Variants in TRANK1 observed in about 807,000 individuals in gnomAD.
TRANK1 encodes the protein tetratricopeptide repeat and ankyrin repeat containing 1.
In TRANK1, 198 loss-of-function variants were observed where a neutral mutation model predicts 266.0. The observed-to-expected ratio is 0.74, with a 90% confidence interval of 0.66 to 0.84. TRANK1 has a LOEUF of 0.84. TRANK1 is among the 40% of genes least tolerant of loss of function. TRANK1 has a pLI of 0.00. For synonymous variants in TRANK1, 1,396 were observed against 1,384.1 expected (o/e 1.01, Z -0.19); for missense variants, 3,326 against 3,634.6 (o/e 0.92, Z 2.18).
chr3:36,864,431 C>A lies in TRANK1; in HGVS notation c.1128G>T (p.Lys376Asn). The A allele has an allele frequency of 6.5e-7, 1 of 1,536,596 alleles. No homozygotes were observed. Among genetic ancestry groups the A allele is most frequent in the Non-Finnish European group, 8.7e-7 (1 of 1,146,668 alleles). The change falls in exon 10 of 24, where the codon AAG becomes AAT. Residue 376 changes from lysine to asparagine, a missense_variant. Coordinates refer to ENST00000645898, the MANE Select transcript of TRANK1 (RefSeq NM_001329998.2). ...GPTSENDIFRKVLEQLVKYMN... is the reference protein window; with the variant it reads ...GPTSENDIFRNVLEQLVKYMN... The stretch of plus-strand genomic sequence containing the variant: ...TATACTTCACCAGCTGCTCCAAGAC[C>A]TTCCTGAAAATGTCGTTTTCACTAG...
chr3:36,909,169 C>A (rs114172623), intron 1 of TRANK1, among the ~76,000 whole-genome samples: 2,047 of 152,318 alleles, frequency 0.013, 33 homozygotes, highest in African/African-American at 0.044. Flanking sequence ...TTGTCTGTGT[C>A]CCCCAAGGGT....
chr3:36,904,883 A>T (rs1039307711), intron 2 of TRANK1, among the ~76,000 whole-genome samples: 3 of 151,614 alleles, frequency 2.0e-5, no homozygotes, highest in African/African-American at 4.9e-5. Flanking sequence ...GGTTCTCAGC[A>T]CCCTGTTCTC....
chr3:36,831,503 T>A lies in TRANK1; in HGVS notation c.8080A>T (p.Met2694Leu). The change falls in exon 22 of 24, where the codon ATG (methionine) becomes TTG (leucine). Residue 2694 changes from methionine to leucine, a missense_variant. Physicochemically the swap from Met to Leu is conservative, Grantham distance 15. Transcript: ENST00000645898. The surrounding 1 kb of genome is among the most constrained non-coding windows in gnomAD (Gnocchi z 5.0). ...CGGTCTTCTAATGCCAGTTCATCCA[T>A]CTCATCCTGGCCAAACTCACACTCA... ...EPECEFGQDEMDELALEDRDH... is the reference protein window; with the variant it reads ...EPECEFGQDELDELALEDRDH... The A allele has an allele frequency of 6.2e-7, 1 of 1,613,284 alleles. No individual in the cohort carries two copies.
Position 36,878,308 on chromosome 3 carries a change from C to A in TRANK1, c.908-4012G>T, listed in dbSNP as rs537011200. ...CTCTTCTCCCACCCCCAACTATACC[C>A]CACCATCTGTGGAAAAATCGTCTTG... On this transcript the variant is annotated intron_variant, in intron 8 of 23. Coordinates refer to ENST00000645898, the MANE Select transcript of TRANK1 (RefSeq NM_001329998.2). Among the ~76,000 whole-genome samples the A allele has an allele frequency of 6.6e-5, 10 of 152,286 alleles. No individual in the cohort carries two copies. In the South Asian group the frequency reaches 2.1e-3, roughly 32 times the overall value.
chr3:36,893,001 GA>G lies in TRANK1; in HGVS notation c.553-18del. ...CAGAAATGACTGGTGGGAGAAGACA[GA>G]AAAGGCTGGAATAATAATGTTCTCC... On this transcript the variant is annotated intron_variant, in intron 5 of 23. Transcript: ENST00000645898. The G allele has an allele frequency of 7.0e-7, 1 of 1,435,698 alleles. No homozygotes were observed. Among genetic ancestry groups the G allele is most frequent in the Non-Finnish European group, 9.2e-7 (1 of 1,086,368 alleles). The allele number at this position is 1,435,698 out of a possible 1,614,324, so 88.9% of individuals were successfully genotyped here. A position where few individuals can be genotyped will look rare whatever the true frequency, so the allele number is the denominator to read the frequency against.
chr3:36,866,292 G>A (rs2079226988), intron 9 of TRANK1, among the ~76,000 whole-genome samples: 1 of 152,218 alleles, frequency 6.6e-6, no homozygotes, highest in African/African-American at 2.4e-5. Flanking sequence ...GTGAAGAAAT[G>A]AATGAATGTT....
intron 1 of TRANK1, among the ~76,000 whole-genome samples, chr3:36,926,444 A>C (rs966174489): frequency 2.0e-5 from 3 of 152,196 alleles, no homozygotes; most frequent in African/African-American, 7.2e-5. Context: ...TACCGTTTAC[A>C]TGCACACCAA....
chr3:36,886,137 T>TG (rs2079601656), intron 8 of TRANK1, among the ~76,000 whole-genome samples: 1 of 145,964 alleles, frequency 6.9e-6, no homozygotes, highest in South Asian at 2.2e-4. Flanking sequence ...TTGTTTTTTT[T>TG]TTTTTTTTTT....
chr3:36,905,397 T>A (rs372258771), intron 2 of TRANK1, among the ~76,000 whole-genome samples: 74 of 151,528 alleles, frequency 4.9e-4, no homozygotes, highest in Admixed American at 2.6e-4. Context: ...GTCATGAGGG[T>A]GGAGTCCTCA....
At position 36,944,996 on chromosome 3, in the gene TRANK1, G is replaced by C. The variant is rs1403533364; in HGVS notation, c.-187C>G. 5 of 502,298 alleles carry C rather than the reference G, an allele frequency of 1.0e-5. No individual in the cohort carries two copies. Among genetic ancestry groups the C allele is most frequent in the Non-Finnish European group, 1.7e-5 (5 of 297,060 alleles). 31.1% of individuals were successfully genotyped at this position (502,298 alleles called of 1,614,324 possible). A position where few individuals can be genotyped will look rare whatever the true frequency, so the allele number is the denominator to read the frequency against. ...GCTCGGCTACCCAGCCGCGATCAGA[G>C]GGGGCGGGGGACGCAGGAACCCCGG... On this transcript the variant is annotated 5_prime_UTR_variant, in exon 1 of 24. Coordinates refer to ENST00000645898, the MANE Select transcript of TRANK1 (RefSeq NM_001329998.2).
chr3:36,860,656 C>T (rs2079129409), intron 11 of TRANK1, among the ~76,000 whole-genome samples: 1 of 150,308 alleles, frequency 6.7e-6, no homozygotes. Context: ...CAAAAGAGAA[C>T]ACCTGATGTT....
At chr3:36,843,686 C>A (rs141296672) in intron 17 of TRANK1, among the ~76,000 whole-genome samples, 1 of 148,950 alleles carries the variant, frequency 6.7e-6, no homozygotes, top group Admixed American at 6.8e-5. Flanking sequence ...ACAGTGAATA[C>A]CAGGGTAATA....
rs1264514251 is a variant in TRANK1 at position 36,892,882 on chromosome 3, G to GAT, written c.636+17_636+18dup. 5 of 896,208 alleles carry GAT rather than the reference G, an allele frequency of 5.6e-6. No individual in the cohort carries two copies. Among genetic ancestry groups the GAT allele is most frequent in the Admixed American group, 3.7e-5 (1 of 26,892 alleles). 55.5% of individuals were successfully genotyped at this position (896,208 alleles called of 1,614,324 possible). A position where few individuals can be genotyped will look rare whatever the true frequency, so the allele number is the denominator to read the frequency against. On this transcript the variant is annotated intron_variant, in intron 6 of 23. Coordinates refer to ENST00000645898, the MANE Select transcript of TRANK1 (RefSeq NM_001329998.2). ...ATATATATATATATAGATATATATAGATATATATATCACCTTACCTCAAAG... is the reference window on the plus strand; with the variant it reads ...ATATATATATATATAGATATATATAGATATATATATATCACCTTACCTCAAAG...
intron 1 of TRANK1, among the ~76,000 whole-genome samples, chr3:36,944,508 G>T (rs561474426): frequency 6.6e-6 from 1 of 152,312 alleles, no homozygotes; most frequent in Admixed American, 6.5e-5. Context: ...TCGATGCCGG[G>T]GTGGGAGCTA....
chr3:36,943,280 A>T (rs533205441), intron 1 of TRANK1, among the ~76,000 whole-genome samples: 3 of 152,276 alleles, frequency 2.0e-5, no homozygotes, highest in Admixed American at 6.5e-5. Context: ...CTCTTGCTGC[A>T]ATTTTACATG....
chr3:36,938,146 A>C (rs2080447942), intron 1 of TRANK1, among the ~76,000 whole-genome samples: 1 of 152,192 alleles, frequency 6.6e-6, no homozygotes, highest in Admixed American at 6.5e-5. Flanking sequence ...AGGACATCTG[A>C]AGGGTGGCCC....
chr3:36,877,674 CA>C (rs2079409078), intron 8 of TRANK1, among the ~76,000 whole-genome samples: 1 of 152,136 alleles, frequency 6.6e-6, no homozygotes, highest in South Asian at 2.1e-4. Context: ...ACAGAATGTA[CA>C]GTGTACCTAC....
In TRANK1 at chr3:36,857,481, C is replaced by T. The variant is rs745609723; in HGVS notation, c.2241G>A (p.Pro747=). Residue 747 remains proline, a synonymous_variant, in exon 13 of 24, where the codon CCG becomes CCA. Coordinates refer to ENST00000645898, the MANE Select transcript of TRANK1 (RefSeq NM_001329998.2). This position sits in a 1 kb window ranked among gnomAD's most constrained non-coding sequence, Gnocchi z 4.3. ...TVLIQQVEVD[P]SFPEDCLQSS... is the part of the protein sequence containing the mutation. ...TCTGAAGACAGTCCTCTGGGAAAGA[C>T]GGATCCACTTCAACCTGCTGAATCA... 40 of 1,613,960 alleles carry T rather than the reference C, an allele frequency of 2.5e-5. No individual in the cohort carries two copies. The East Asian group carries it at 2.9e-4, about 12-fold the overall frequency.
intron 1 of TRANK1, among the ~76,000 whole-genome samples, chr3:36,923,256 A>T (rs1365289923): frequency 1.4e-5 from 2 of 141,002 alleles, no homozygotes; most frequent in Non-Finnish European, 3.0e-5. Flanking sequence ...GTCTTGGTAA[A>T]TTTTTTTTTT....
Sources: gnomAD v4.1 joint callset for allele counts (sites outside exome capture counted in the v4.1 genomes callset) on GRCh38, gnomAD v4.1.1 for gene constraint, Gnocchi (gnomAD v3.1) non-coding constraint, MANE v1.5 for transcripts, NCBI Gene and HGNC (gene_info 2026-07-23, HGNC 2026-07-21) for gene names.